ZNF423: variants seen among roughly 807,000 people sequenced by gnomAD.
The protein encoded by ZNF423 is zinc finger protein 423, also known as Ebf-associated zinc finger protein.
A neutral mutation model predicts 95.8 loss-of-function variants in ZNF423; 12 were observed. The observed-to-expected ratio is 0.13, with a 90% confidence interval of 0.08 to 0.20. The LOEUF (loss-of-function observed/expected upper bound fraction) is 0.20. ZNF423 is among the 10% of genes least tolerant of loss of function. The pLI, the probability that ZNF423 is intolerant of heterozygous loss-of-function variation, is 1.00. For missense variants in ZNF423, 1,316 were observed against 1,737.1 expected (o/e 0.76, Z 4.31); for synonymous variants, 749 against 711.9 (o/e 1.05, Z -0.83).
At chr16:49,581,069 C>T (rs767969587) in intron 5 of ZNF423, among the ~76,000 whole-genome samples, 30 of 152,112 alleles carry the variant, frequency 2.0e-4, no homozygotes, top group Non-Finnish European at 4.0e-4. Flanking sequence ...TCCTTAAGAA[C>T]CGTGGACAAA....
intron 5 of ZNF423, among the ~76,000 whole-genome samples, chr16:49,543,010 T>C (rs568284963): frequency 6.6e-6 from 1 of 152,274 alleles, no homozygotes; most frequent in African/African-American, 2.4e-5. Context: ...GCCTACCAGC[T>C]TCCAAAGAGA....
chr16:49,853,778 T>C, intron 1 of ZNF423: 1 of 985,388 alleles, frequency 1.0e-6, no homozygotes. Context: ...TCAAGCAACT[T>C]TGAAACACCC....
intron 3 of ZNF423, chr16:49,708,354 G>A (rs1053871010): frequency 2.6e-5 from 4 of 151,692 alleles, no homozygotes; most frequent in East Asian, 1.9e-4. Context: ...AGAGTGTAGC[G>A]GCAAGATCTC....
At chr16:49,821,080 C>T (rs773962613) in intron 1 of ZNF423, among the ~76,000 whole-genome samples, 5 of 152,066 alleles carry the variant, frequency 3.3e-5, no homozygotes, top group Non-Finnish European at 7.4e-5. Flanking sequence ...TCCAGCATGC[C>T]AAAACCTGTT....
chr16:49,552,985 C>T (rs909324254), intron 5 of ZNF423, among the ~76,000 whole-genome samples: 1 of 152,104 alleles, frequency 6.6e-6, no homozygotes, highest in Non-Finnish European at 1.5e-5. Context: ...GGCAGAGTCA[C>T]CAGCAGGGCT....
At chr16:49,741,333 A>G (rs2033410559) in intron 2 of ZNF423, among the ~76,000 whole-genome samples, 1 of 152,018 alleles carries the variant, frequency 6.6e-6, no homozygotes, top group Non-Finnish European at 1.5e-5. Context: ...TGTCTCTACT[A>G]AAAATGCCCC....
At chr16:49,562,579 T>C (rs1401150916) in intron 5 of ZNF423, among the ~76,000 whole-genome samples, 1 of 152,200 alleles carries the variant, frequency 6.6e-6, no homozygotes, top group Admixed American at 6.5e-5. Context: ...AAGTTGTCTA[T>C]GATTGATTGT....
chr16:49,740,423 G>T (rs766793505), intron 2 of ZNF423, among the ~76,000 whole-genome samples: 1 of 152,194 alleles, frequency 6.6e-6, no homozygotes, highest in East Asian at 1.9e-4. Context: ...TTCCGCACTC[G>T]GCTTGTGCAT....
At chr16:49,503,395 C>T (rs1412871643) in intron 7 of ZNF423, among the ~76,000 whole-genome samples, 1 of 152,188 alleles carries the variant, frequency 6.6e-6, no homozygotes, top group Non-Finnish European at 1.5e-5. Flanking sequence ...GGACTCTGAC[C>T]ACAGCCCAGA....
At chr16:49,841,136 T>C (rs1011240012) in intron 1 of ZNF423, among the ~76,000 whole-genome samples, 2 of 152,160 alleles carry the variant, frequency 1.3e-5, no homozygotes, top group Admixed American at 1.3e-4. Context: ...GGCTTACCAA[T>C]AACATGGCAA....
intron 2 of ZNF423, among the ~76,000 whole-genome samples, chr16:49,743,352 C>T (rs2033454893): frequency 6.6e-6 from 1 of 152,098 alleles, no homozygotes. Context: ...CATAGCAGTC[C>T]TCATGATTTT....
chr16:49,796,681 C>G (rs141181641), intron 1 of ZNF423, among the ~76,000 whole-genome samples: 338 of 152,248 alleles, frequency 2.2e-3, no homozygotes, highest in Middle Eastern at 0.014. Context: ...GTCCAAGGGT[C>G]AGAGGAGGCC....
chr16:49,705,206 G>A (rs1033994948), intron 3 of ZNF423, among the ~76,000 whole-genome samples: 1 of 152,174 alleles, frequency 6.6e-6, no homozygotes, highest in African/African-American at 2.4e-5. Context: ...ATTCAACAGA[G>A]TCAAGGCCCC....
At chr16:49,534,626 C>T (rs375991617) in intron 5 of ZNF423, among the ~76,000 whole-genome samples, 8 of 152,244 alleles carry the variant, frequency 5.3e-5, no homozygotes, top group African/African-American at 1.9e-4. Flanking sequence ...CATACAAACC[C>T]GCTGTGGGGG....
upstream of ZNF423, among the ~76,000 whole-genome samples, chr16:49,856,674 G>A (rs2035374263): frequency 6.7e-6 from 1 of 148,902 alleles, no homozygotes; most frequent in Admixed American, 6.6e-5. Context: ...CCGGCCCCCC[G>A]GAGGAGGAAG....
intron 5 of ZNF423, among the ~76,000 whole-genome samples, chr16:49,564,038 T>C (rs1970102725): frequency 6.6e-6 from 1 of 152,212 alleles, no homozygotes; most frequent in South Asian, 2.1e-4. Flanking sequence ...TTGTGTTTCC[T>C]TGATGACCAA....
chr16:49,657,403 C>G (rs2029933844), intron 3 of ZNF423, among the ~76,000 whole-genome samples: 1 of 152,224 alleles, frequency 6.6e-6, no homozygotes, highest in African/African-American at 2.4e-5. Context: ...CGCTGAGGGA[C>G]AGAGGAACTC....
intron 7 of ZNF423, among the ~76,000 whole-genome samples, chr16:49,494,713 G>C (rs959551275): frequency 6.6e-6 from 1 of 152,146 alleles, no homozygotes; most frequent in African/African-American, 2.4e-5. Flanking sequence ...GAGGTGGTGG[G>C]ACCCCTGTCC....
chr16:49,589,955 G>C (rs1441013312), intron 5 of ZNF423, among the ~76,000 whole-genome samples: 7 of 150,958 alleles, frequency 4.6e-5, no homozygotes, highest in African/African-American at 1.7e-4. Context: ...AGCATGCAAA[G>C]GTTGTGAAAT....
Sources: gnomAD v4.1 joint callset for allele counts (sites outside exome capture counted in the v4.1 genomes callset) on GRCh38, gnomAD v4.1.1 for gene constraint, MANE v1.5 for transcripts, NCBI Gene and HGNC (gene_info 2026-07-23, HGNC 2026-07-21) for gene names.